The following WNK2 variants were observed in gnomAD, a reference collection of about 807,000 sequenced individuals.
WNK2 encodes the protein serine/threonine-protein kinase WNK2.
A neutral mutation model predicts 192.1 loss-of-function variants in WNK2; 67 were observed. The ratio of observed to expected loss-of-function variants is 0.35; its 90% CI spans 0.29 to 0.43. The LOEUF (loss-of-function observed/expected upper bound fraction) is 0.43. Among genes scored for constraint, WNK2 ranks in the 20% least tolerant of loss-of-function variants. WNK2 has a pLI of 1.00. For synonymous variants in WNK2, 1,439 were observed against 1,393.9 expected (o/e 1.03, Z -0.72); for missense variants, 2,698 against 3,089.7 (o/e 0.87, Z 3.01).
rs994033706 is a variant in WNK2, at chr9:93,247,965, C to T, written c.1834+131C>T. The T allele has an allele frequency of 9.9e-7, 1 of 1,007,892 alleles. No homozygotes were observed. Among genetic ancestry groups the T allele is most frequent in the Non-Finnish European group, 1.4e-6 (1 of 700,584 alleles). The allele number at this position is 1,007,892 out of a possible 1,614,324, so 62.4% of individuals were successfully genotyped here. A position where few individuals can be genotyped will look rare whatever the true frequency, so the allele number is the denominator to read the frequency against. ...TTTGTGAGGAAGGGGGTCCGCATGG[C>T]ATCCCCTCGGAGGAGACATCGTGTA... is the stretch of plus-strand genomic sequence containing the variant. On this transcript the variant is annotated intron_variant, in intron 8 of 29. Coordinates refer to ENST00000427277, the MANE Select transcript of WNK2 (RefSeq NM_006648.4). The surrounding 1 kb of genome is among the most constrained non-coding windows in gnomAD (Gnocchi z 5.2).
At position 93,268,655 on chromosome 9, in the gene WNK2, C is replaced by T. The variant is rs768790828; in HGVS notation, c.3942C>T (p.Ile1314=). The T allele has an allele frequency of 4.9e-5, 79 of 1,613,358 alleles. 3 individuals carry two copies. In the South Asian group the frequency reaches 8.6e-4, roughly 18 times the overall value. Residue 1314 remains isoleucine, a synonymous_variant, in exon 19 of 30, where the codon ATC becomes ATT. Coordinates refer to ENST00000427277, the MANE Select transcript of WNK2 (RefSeq NM_006648.4). ...TGCACACCGGGAAGAGGTGGTTCAT[C>T]ATCTGTCCGGTGGCTGAGCACCCCG... ...NVLHTGKRWF[I]ICPVAEHPAP... is the part of the protein sequence containing the mutation.
intron 19 of WNK2, among the ~76,000 whole-genome samples, chr9:93,278,650 T>G (rs1206735896): frequency 6.6e-6 from 1 of 152,154 alleles, no homozygotes; most frequent in African/African-American, 2.4e-5. Context: ...GGAATACAAA[T>G]TCATCCAGCA....
At chr9:93,287,186 A>T (rs1477065289) in intron 19 of WNK2, among the ~76,000 whole-genome samples, 1 of 152,260 alleles carries the variant, frequency 6.6e-6, no homozygotes, top group Admixed American at 6.5e-5. Flanking sequence ...ATTAAAAAAC[A>T]ATAAAGAGCC....
intron 19 of WNK2, among the ~76,000 whole-genome samples, chr9:93,287,299 C>G (rs1178392560): frequency 6.6e-6 from 1 of 152,144 alleles, no homozygotes; most frequent in Admixed American, 6.5e-5. Context: ...TTACATAAAG[C>G]TAAAGGGGAT....
chr9:93,229,757 G>T lies in WNK2; in HGVS notation c.743G>T (p.Gly248Val), dbSNP rs1328104428. The part of the protein sequence containing the change: ...RFKEEAEMLK[G>V]LQHPNIVRFY... ...AAGGAAGAGGCTGAGATGCTGAAAG[G>T]CCTGCAGCACCCCAACATCGTGCGC... Residue 248 changes from glycine (G) to valine (V), a missense_variant, in exon 3 of 30, where the codon GGC becomes GTC. Around this residue, in one of 7 missense-constraint regions of WNK2, gnomAD observed 230 missense variants for 501.1 expected, o/e 0.46. Transcript: ENST00000427277. The surrounding 1 kb of genome is among the most constrained non-coding windows in gnomAD (Gnocchi z 4.9). 4 of 1,613,756 alleles carry T rather than the reference G, an allele frequency of 2.5e-6. No homozygotes were observed. Among genetic ancestry groups the T allele is most frequent in the Non-Finnish European group, 3.4e-6 (4 of 1,179,808 alleles).
chr9:93,210,254 A>T (rs1376261019), intron 2 of WNK2, among the ~76,000 whole-genome samples: 2 of 55,258 alleles, frequency 3.6e-5, no homozygotes, highest in Admixed American at 5.0e-4. Flanking sequence ...TGGGGTGTCG[A>T]GGGAGGTGGG....
chr9:93,264,015 T>C lies in WNK2; in HGVS notation c.3678T>C (p.Asp1226=). ...TCGACTTGGACGGGGACGCACCCGA[T>C]GAAATTGCCACGTATATGGTGAGGC... ...FKFDLDGDAP[D]EIATYMVEHD... The change falls in exon 16 of 30, where the codon GAT becomes GAC. Residue 1226 remains aspartate (D), a synonymous_variant. Coordinates refer to ENST00000427277, the MANE Select transcript of WNK2 (RefSeq NM_006648.4). 6.2e-7 allele frequency: 1 copy of C among 1,612,410 alleles called. No individual in the cohort carries two copies. Among genetic ancestry groups the C allele is most frequent in the Non-Finnish European group, 8.5e-7 (1 of 1,179,186 alleles).
At chr9:93,300,199 TC>T (rs1338084765) in intron 26 of WNK2, 50 bp downstream of exon 26, 6 of 1,443,530 alleles carry the variant, frequency 4.2e-6, no homozygotes, top group South Asian at 1.2e-5. Context: ...CTTGGTTTTC[TC>T]CCCCCACCCC....
At chr9:93,285,399 A>G (rs1316297251) in intron 19 of WNK2, among the ~76,000 whole-genome samples, 1 of 152,236 alleles carries the variant, frequency 6.6e-6, no homozygotes, top group Admixed American at 6.5e-5. Flanking sequence ...AAGTTAGCAA[A>G]GTAGCTACAG....
chr9:93,239,833 G>T lies in WNK2; in HGVS notation c.1399G>T (p.Asp467Tyr). 1 of 1,592,352 alleles carries T rather than the reference G, an allele frequency of 6.3e-7. No homozygotes were observed. Among genetic ancestry groups the T allele is most frequent in the Non-Finnish European group, 8.5e-7 (1 of 1,169,950 alleles). The part of the protein sequence containing the change: ...TGVRVELAEE[D>Y]HGRKSTIALR... ...CGTGAGGGTGGAGCTCGCGGAGGAG[G>T]ACCACGGCAGGAAGTCCACCATCGC... The change falls in exon 7 of 30, where the codon GAC becomes TAC. Residue 467 changes from aspartate (D) to tyrosine (Y), a missense_variant. Around this residue, in one of 7 missense-constraint regions of WNK2, gnomAD observed 230 missense variants for 501.1 expected, o/e 0.46. Transcript: ENST00000427277. This position sits in a 1 kb window ranked among gnomAD's most constrained non-coding sequence, Gnocchi z 4.2.
intron 2 of WNK2, among the ~76,000 whole-genome samples, chr9:93,192,701 G>A (rs1274702964): frequency 6.6e-6 from 1 of 152,218 alleles, no homozygotes; most frequent in Admixed American, 6.5e-5. Flanking sequence ...AGCAGATTCC[G>A]AGTTTTAGGT....
chr9:93,241,965 G>T (rs918434101), intron 7 of WNK2, among the ~76,000 whole-genome samples: 2 of 152,180 alleles, frequency 1.3e-5, no homozygotes, highest in African/African-American at 4.8e-5. Context: ...GGTCCTGCTG[G>T]GGTCTTGGCA....
chr9:93,219,081 C>CT lies in WNK2; in HGVS notation c.682-10614dup, dbSNP rs1836316876. ...CCTCAGCTGCCCGTGTTAAGCCCAC[C>CT]TGTAGACAGGAGAGGAGGGCACCTG... On this transcript the variant is annotated intron_variant, in intron 2 of 29. Transcript: ENST00000427277. Among the ~76,000 whole-genome samples the CT allele has an allele frequency of 3.3e-5, 5 of 152,378 alleles. No individual in the cohort carries two copies. In the South Asian group the frequency reaches 1.0e-3, roughly 32 times the overall value.
At chr9:93,261,758 C>T (rs1844300444) in intron 12 of WNK2, 56 bp from the exon 13 acceptor site, 4 of 1,537,692 alleles carry the variant, frequency 2.6e-6, no homozygotes, top group Non-Finnish European at 3.5e-6. Flanking sequence ...TGGGCACGGC[C>T]CCCTCAGTGA....
chr9:93,254,525 A>G (rs907926973), intron 9 of WNK2, among the ~76,000 whole-genome samples: 1 of 152,230 alleles, frequency 6.6e-6, no homozygotes, highest in African/African-American at 2.4e-5. Flanking sequence ...GGGTCCAGAA[A>G]GGCCCTTTGG....
intron 7 of WNK2, among the ~76,000 whole-genome samples, chr9:93,242,780 G>A (rs1840998785): frequency 6.6e-6 from 1 of 152,206 alleles, no homozygotes; most frequent in South Asian, 2.1e-4. Flanking sequence ...GGAAGGTCCT[G>A]GGGCAGCTGT....
intron 2 of WNK2, among the ~76,000 whole-genome samples, chr9:93,190,591 C>T (rs1191614623): frequency 2.6e-5 from 4 of 152,240 alleles, no homozygotes; most frequent in East Asian, 1.9e-4. Flanking sequence ...TCTCATTCCT[C>T]GTCAGCATGT....
rs114850524 is a variant in WNK2 at position 93,281,744 on chromosome 9, A to G, written c.4034-7044A>G. Among the ~76,000 whole-genome samples, 216 of 152,276 alleles carry G rather than the reference A, an allele frequency of 1.4e-3. 3 individuals carry two copies. The highest frequency in any genetic ancestry group is 4.9e-3 in the African/African-American group (202 of 41,578). On this transcript the variant is annotated intron_variant, in intron 19 of 29. Transcript: ENST00000427277. ...ATAAAGTGCTGAAAATCAAAGGCAC[A>G]TGGGAAAATTTAAAGGATGCCCAAG...
Position 93,299,015 on chromosome 9 carries a change from G to A in WNK2, c.5924-55G>A, listed in dbSNP as rs772270270. The A allele has an allele frequency of 7.8e-6, 12 of 1,539,542 alleles. No individual in the cohort carries two copies. The East Asian group carries it at 9.4e-5, about 12-fold the overall frequency. ...CAGGCAGAACAGACTCAATCCACAC[G>A]GCCCCGACCCGGCGGCGCCTCATCG... is the stretch of plus-strand genomic sequence containing the variant. On this transcript the variant is annotated intron_variant, in intron 24 of 29. Coordinates refer to ENST00000427277, the MANE Select transcript of WNK2 (RefSeq NM_006648.4).
Sources: gnomAD v4.1 joint callset for allele counts (sites outside exome capture counted in the v4.1 genomes callset) on GRCh38, gnomAD v4.1.1 for gene constraint, gnomAD v4.1.1 regional missense constraint, Gnocchi (gnomAD v3.1) non-coding constraint, MANE v1.5 for transcripts, NCBI Gene and HGNC (gene_info 2026-07-23, HGNC 2026-07-21) for gene names.